The following CDKN2A variants were observed in gnomAD, a reference collection of about 807,000 sequenced individuals.
The protein encoded by CDKN2A is cyclin-dependent kinase inhibitor 2A.
In CDKN2A, 3 loss-of-function variants were observed where a neutral mutation model predicts 11.1. The observed-to-expected ratio is 0.27, with a 90% CI of 0.12 to 0.70. CDKN2A has a LOEUF of 0.70. Among genes scored for constraint, CDKN2A ranks in the 30% least tolerant of loss-of-function variants. The pLI, the probability that CDKN2A is intolerant of heterozygous loss-of-function variation, is 0.77. For synonymous variants in CDKN2A, 122 were observed against 108.1 expected, an observed-to-expected ratio of 1.13 and a Z score of -0.80; for missense variants, 265 against 233.6, an observed-to-expected ratio of 1.13 and a Z score of -0.88.
In CDKN2A at chr9:21,988,665, T is replaced by C. The variant is rs568455624; in HGVS notation, c.-4+5217A>G. On this transcript the variant is annotated intron_variant, in intron 2 of 3. Coordinates refer to the CDKN2A transcript ENST00000494262. This position sits in a 1 kb window ranked among gnomAD's most constrained non-coding sequence, Gnocchi z 4.1. ...TACTGTGGGTACTGTGCTCACTACTTGAGTGACAGATTCAGTCGTACTCGA... is the reference window on the plus strand; with the variant it reads ...TACTGTGGGTACTGTGCTCACTACTCGAGTGACAGATTCAGTCGTACTCGA... 8.3e-4 allele frequency among the ~76,000 whole-genome samples: 127 copies of C among 152,238 alleles called. 1 individual carries two copies. The highest frequency in any genetic ancestry group is 1.1e-3 in the Non-Finnish European group (77 of 68,010).
In CDKN2A at chr9:21,970,910, C is replaced by T. The variant is rs1181255434; in HGVS notation, c.449G>A (p.Gly150Asp). The T allele has an allele frequency of 1.9e-6, 3 of 1,611,942 alleles. No individual in the cohort carries two copies. The African/African-American group carries it at 4.0e-5, about 22-fold the overall frequency. The change falls in exon 2 of 3, where the codon GGT becomes GAT. Residue 150 changes from glycine to aspartate, a missense_variant. Gly to Asp is a moderately conservative substitution (Grantham distance 94). Transcript: ENST00000304494. ...AGATCATCAGTCCTCACCTGAGGGA[C>T]CTTCCGCGGCATCTATGCGGGCATG... The part of the protein sequence containing the change: ...SNHARIDAAE[G>D]PSDIPD
At chr9:21,979,079 T>A (rs1820111946), upstream of CDKN2A, among the ~76,000 whole-genome samples, 1 of 152,220 alleles carries the variant, frequency 6.6e-6, no homozygotes. Context: ...GGCTTCCGGA[T>A]GCTGAGAGCT....
chr9:21,968,822 C>T lies in CDKN2A; in HGVS notation c.458-580G>A. 6.6e-7 allele frequency: 1 copy of T among 1,523,368 alleles called. No individual in the cohort carries two copies. The highest frequency in any genetic ancestry group is 1.2e-5 in the South Asian group (1 of 83,802). 94.4% of individuals were successfully genotyped at this position (1,523,368 alleles called of 1,614,324 possible). A position where few individuals can be genotyped will look rare whatever the true frequency, so the allele number is the denominator to read the frequency against. On this transcript the variant is annotated intron_variant, in intron 2 of 2. Transcript: ENST00000304494. This position sits in a 1 kb window ranked among gnomAD's most constrained non-coding sequence, Gnocchi z 4.7. Reference sequence around the variant, plus strand: ...TTCATGTGCTCTGGCTTCTGCCTTCCTCTCTAATCTCGTTGCGTATGGGCT... The same window carrying T: ...TTCATGTGCTCTGGCTTCTGCCTTCTTCTCTAATCTCGTTGCGTATGGGCT...
chr9:21,982,717 T>TA (rs976460365), intron 2 of CDKN2A, among the ~76,000 whole-genome samples: 4 of 151,998 alleles, frequency 2.6e-5, no homozygotes, highest in South Asian at 4.1e-4. Context: ...ATAGAGATAA[T>TA]AAAAAATTCA....
upstream of CDKN2A, among the ~76,000 whole-genome samples, chr9:21,975,638 G>A (rs1820006122): frequency 1.3e-5 from 2 of 152,190 alleles, no homozygotes; most frequent in Non-Finnish European, 1.5e-5. Flanking sequence ...ACATTGCCTG[G>A]TATAAGAGCA....
chr9:21,975,498 CG>C (rs1355074302), upstream of CDKN2A, among the ~76,000 whole-genome samples: 2 of 151,754 alleles, frequency 1.3e-5, no homozygotes, highest in African/African-American at 2.4e-5. Flanking sequence ...TTCAGGAGCG[CG>C]GGGTTCACTA....
At position 21,974,436 on chromosome 9, in the gene CDKN2A, G is replaced by C. The variant is rs761763765; in HGVS notation, c.150+242C>G. 3.1e-6 allele frequency: 5 copies of C among 1,610,232 alleles called. No homozygotes were observed. The highest frequency in any genetic ancestry group is 3.3e-5 in the Admixed American group (2 of 59,928). ...TAATACAAATATGTTCCCCCCTTCA[G>C]ATCTTCTCAGCATTCGAGAGATCTG... On this transcript the variant is annotated intron_variant, in intron 1 of 2. Transcript: ENST00000304494. This position sits in a 1 kb window ranked among gnomAD's most constrained non-coding sequence, Gnocchi z 5.2.
chr9:21,986,390 T>C (rs1050767259), intron 2 of CDKN2A, among the ~76,000 whole-genome samples: 11 of 152,040 alleles, frequency 7.2e-5, no homozygotes, highest in African/African-American at 2.7e-4. Flanking sequence ...AATAAATATT[T>C]ACTGTGACTT....
chr9:21,968,489 G>A lies in CDKN2A; in HGVS notation c.458-247C>T, dbSNP rs544205753. 4.8e-6 allele frequency: 7 copies of A among 1,457,654 alleles called. No individual in the cohort carries two copies. In the South Asian group the frequency reaches 7.2e-5, roughly 15 times the overall value. The allele number at this position is 1,457,654 out of a possible 1,614,324, so 90.3% of individuals were successfully genotyped here. A position where few individuals can be genotyped will look rare whatever the true frequency, so the allele number is the denominator to read the frequency against. ...CTCAAGCGCTCCAGGTCCACCCGGCGGAGGGCAGAGAAAGCGCGACCGCGC... is the reference window on the plus strand; with the variant it reads ...CTCAAGCGCTCCAGGTCCACCCGGCAGAGGGCAGAGAAAGCGCGACCGCGC... On this transcript the variant is annotated intron_variant, in intron 2 of 2. Transcript: ENST00000304494. This position sits in a 1 kb window ranked among gnomAD's most constrained non-coding sequence, Gnocchi z 4.7.
Position 21,967,918 on chromosome 9 carries a change from C to G in CDKN2A, c.*311G>C. The G allele has an allele frequency of 2.5e-6, 1 of 394,152 alleles. No individual in the cohort carries two copies. The highest frequency in any genetic ancestry group is 4.5e-6 in the Non-Finnish European group (1 of 219,958). 24.4% of individuals were successfully genotyped at this position (394,152 alleles called of 1,614,324 possible). Reference sequence around the variant, plus strand: ...GAGGCTGCGAGGCTCGCAAGAAATGCCCACATGAATGTGCGCTTAGGGCGT... The same window carrying G: ...GAGGCTGCGAGGCTCGCAAGAAATGGCCACATGAATGTGCGCTTAGGGCGT... On this transcript the variant is annotated 3_prime_UTR_variant, in exon 3 of 3. Transcript: ENST00000304494.
intron 1 of CDKN2A, chr9:21,994,733 C>G (rs1348830223): frequency 8.9e-6 from 2 of 225,018 alleles, no homozygotes; most frequent in Non-Finnish European, 1.7e-5. Context: ...GCGGGCGCCC[C>G]GCGGTGACGG....
intron 2 of CDKN2A, among the ~76,000 whole-genome samples, chr9:21,982,851 T>C (rs904893819): frequency 6.6e-6 from 1 of 150,904 alleles, no homozygotes; most frequent in East Asian, 1.9e-4. Flanking sequence ...GAGAGTATTA[T>C]TCTTTCTTCA....
At chr9:21,981,037 C>T (rs1256190408) in intron 2 of CDKN2A, among the ~76,000 whole-genome samples, 2 of 55,378 alleles carry the variant, frequency 3.6e-5, no homozygotes, top group Admixed American at 2.0e-4. Context: ...TATATATATA[C>T]GTGTATATAT....
At position 21,988,541 on chromosome 9, in the gene CDKN2A, T is replaced by TA. The variant is rs1820354466; in HGVS notation, c.-4+5340dup. Among the ~76,000 whole-genome samples the TA allele has an allele frequency of 2.0e-5, 3 of 151,980 alleles. No individual in the cohort carries two copies. The highest frequency in any genetic ancestry group is 4.4e-5 in the Non-Finnish European group (3 of 67,974). On this transcript the variant is annotated intron_variant, in intron 2 of 3. Transcript: ENST00000494262. The surrounding 1 kb of genome is among the most constrained non-coding windows in gnomAD (Gnocchi z 4.1). ...TGAGAATTTCTTCAACCACCCTTTT[T>TA]AAAAAACAAATGCTAATTGGACATA...
Position 21,974,419 on chromosome 9 carries a change from A to T in CDKN2A, c.150+259T>A, listed in dbSNP as rs2131108699. 1 of 1,605,358 alleles carries T rather than the reference A, an allele frequency of 6.2e-7. No homozygotes were observed. Among genetic ancestry groups the T allele is most frequent in the Non-Finnish European group, 8.5e-7 (1 of 1,174,886 alleles). On this transcript the variant is annotated intron_variant, in intron 1 of 2. Coordinates refer to ENST00000304494, the MANE Select transcript of CDKN2A (RefSeq NM_000077.5). The surrounding 1 kb of genome is among the most constrained non-coding windows in gnomAD (Gnocchi z 5.2). ...AAGAGCATACTTCCATCTAATACAAATATGTTCCCCCCTTCAGATCTTCTC... is the reference window on the plus strand; with the variant it reads ...AAGAGCATACTTCCATCTAATACAATTATGTTCCCCCCTTCAGATCTTCTC...
chr9:21,968,490 G>A lies in CDKN2A; in HGVS notation c.458-248C>T, dbSNP rs1819520359. 6.9e-7 allele frequency: 1 copy of A among 1,456,210 alleles called. No homozygotes were observed. Among genetic ancestry groups the A allele is most frequent in the Non-Finnish European group, 9.0e-7 (1 of 1,111,600 alleles). 90.2% of individuals were successfully genotyped at this position (1,456,210 alleles called of 1,614,324 possible). A position where few individuals can be genotyped will look rare whatever the true frequency, so the allele number is the denominator to read the frequency against. ...TCAAGCGCTCCAGGTCCACCCGGCG[G>A]AGGGCAGAGAAAGCGCGACCGCGCG... On this transcript the variant is annotated intron_variant, in intron 2 of 2. Transcript: ENST00000304494. This position sits in a 1 kb window ranked among gnomAD's most constrained non-coding sequence, Gnocchi z 4.7.
upstream of CDKN2A, chr9:21,975,195 C>T (rs1190589847): frequency 3.7e-6 from 4 of 1,094,302 alleles, no homozygotes; most frequent in Non-Finnish European, 4.5e-6. Flanking sequence ...CCCACACCGC[C>T]CTCCGGCCTC....
At chr9:21,971,449 C>A in intron 1 of CDKN2A, 1 of 1,276,406 alleles carries the variant, frequency 7.8e-7, no homozygotes. Context: ...GCAGAGAGCA[C>A]TGTGAGGCAC....
exon 2 of CDKN2A, chr9:21,994,001 C>T (rs754596270): frequency 4.2e-6 from 4 of 943,708 alleles, no homozygotes; most frequent in Non-Finnish European, 6.6e-6. Context: ...GTCGTTGTAA[C>T]CCGAATGGGG....
Sources: gnomAD v4.1 joint callset for allele counts (sites outside exome capture counted in the v4.1 genomes callset) on GRCh38, gnomAD v4.1.1 for gene constraint, Gnocchi (gnomAD v3.1) non-coding constraint, MANE v1.5 for transcripts, NCBI Gene and HGNC (gene_info 2026-07-23, HGNC 2026-07-21) for gene names.